SGIP1: variants seen among roughly 807,000 people sequenced by gnomAD.
SGIP1 encodes SH3GL interacting endocytic adaptor 1, also known as SH3-containing GRB2-like protein 3-interacting protein 1.
A neutral mutation model predicts 107.5 loss-of-function variants in SGIP1; 38 were observed. The observed-to-expected ratio is 0.35, with a 90% CI of 0.27 to 0.46. The LOEUF (loss-of-function observed/expected upper bound fraction) is 0.46, where lower values mean the gene tolerates loss of function less well. SGIP1 is among the 20% of genes least tolerant of loss of function. The pLI is 1.00. For missense variants in SGIP1, 929 were observed against 1,019.5 expected, an observed-to-expected ratio of 0.91 and a Z score of 1.21; for synonymous variants, 365 against 366.1, an observed-to-expected ratio of 1.00 and a Z score of 0.03.
At chr1:66,601,129 C>A (rs1396923885) in intron 1 of SGIP1, among the ~76,000 whole-genome samples, 3 of 151,978 alleles carry the variant, frequency 2.0e-5, no homozygotes, top group African/African-American at 7.3e-5. Flanking sequence ...TTTGGCAGGC[C>A]GAGGCGGGCG....
chr1:66,664,004 T>C (rs2082041204), intron 8 of SGIP1, among the ~76,000 whole-genome samples: 1 of 152,200 alleles, frequency 6.6e-6, no homozygotes, highest in South Asian at 2.1e-4. Context: ...AGACTCTATT[T>C]TTCATATTTC....
At chr1:66,710,406 C>T (rs866460646) in intron 18 of SGIP1, among the ~76,000 whole-genome samples, 5 of 152,160 alleles carry the variant, frequency 3.3e-5, no homozygotes, top group Middle Eastern at 3.4e-3. Context: ...GCCAAGTTAT[C>T]GAGTTTTTAC....
At chr1:66,637,589 G>A (rs2076039127) in intron 4 of SGIP1, among the ~76,000 whole-genome samples, 2 of 151,534 alleles carry the variant, frequency 1.3e-5, no homozygotes, top group Admixed American at 6.6e-5. Context: ...ATTTCTACAA[G>A]TTTTGTTTTC....
chr1:66,565,628 T>C (rs1027602916), intron 1 of SGIP1, among the ~76,000 whole-genome samples: 1 of 152,092 alleles, frequency 6.6e-6, no homozygotes. Flanking sequence ...TTGGAGGTTG[T>C]ATTGGAAAAG....
chr1:66,698,096 T>C (rs1400663432), intron 18 of SGIP1, among the ~76,000 whole-genome samples: 1 of 152,216 alleles, frequency 6.6e-6, no homozygotes, highest in East Asian at 1.9e-4. Flanking sequence ...CATTTTGTTC[T>C]TACAATGCTT....
At chr1:66,659,932 GAGAAAGAAAA>G (rs1281950762) in intron 7 of SGIP1, among the ~76,000 whole-genome samples, 1,509 of 90,942 alleles carry the variant, frequency 0.017, 107 homozygotes, top group Non-Finnish European at 0.022. Context: ...GAGAAAAAGA[GAGAAAGAAAA>G]AGAAAGAAAA....
intron 1 of SGIP1, among the ~76,000 whole-genome samples, chr1:66,542,730 A>G (rs1387288992): frequency 6.6e-6 from 1 of 152,178 alleles, no homozygotes; most frequent in African/African-American, 2.4e-5. Flanking sequence ...GACTGTGGGT[A>G]ACTGAACCCA....
In SGIP1 at chr1:66,681,976, G is replaced by A. The variant is rs140280425; in HGVS notation, c.922G>A (p.Ala308Thr). 1.3e-4 allele frequency: 203 copies of A among 1,614,200 alleles called. No individual in the cohort carries two copies. In the African/African-American group the frequency reaches 2.5e-3, roughly 20 times the overall value. ...VLSPKSVAVN[A>T]EEKWVHFSDT... Reference sequence around the variant, plus strand: ...GTCCCCCAAGTCTGTTGCTGTTAATGCTGAAGAAAAGTGGGTCCATTTTTC... The same window carrying A: ...GTCCCCCAAGTCTGTTGCTGTTAATACTGAAGAAAAGTGGGTCCATTTTTC... The change falls in exon 15 of 25, where the codon GCT becomes ACT. Residue 308 changes from alanine (A) to threonine (T), a missense_variant. Ala to Thr is a moderately conservative substitution (Grantham distance 58). Transcript: ENST00000371037.
At chr1:66,567,948 G>A (rs1335814590) in intron 1 of SGIP1, among the ~76,000 whole-genome samples, 1 of 152,098 alleles carries the variant, frequency 6.6e-6, no homozygotes, top group African/African-American at 2.4e-5. Context: ...GATGCCTCCA[G>A]CTTTGTTCTT....
chr1:66,634,245 A>G (rs2075362894), intron 3 of SGIP1: 6 of 1,010,064 alleles, frequency 5.9e-6, no homozygotes, highest in Non-Finnish European at 9.1e-6. Flanking sequence ...ACCTTTGCAA[A>G]GCTCTGTTAG....
chr1:66,736,175 A>ATAAATATAAATATTTATACAAATATTT (rs74735413), intron 21 of SGIP1, among the ~76,000 whole-genome samples: 5 of 116,126 alleles, frequency 4.3e-5, no homozygotes, highest in South Asian at 2.7e-4. Context: ...CATTATATTC[A>ATAAATATAAATATTTATACAAATATTT]TAAATATAAA....
intron 15 of SGIP1, among the ~76,000 whole-genome samples, chr1:66,685,165 G>T (rs779083278): frequency 6.6e-6 from 1 of 152,180 alleles, no homozygotes; most frequent in South Asian, 2.1e-4. Flanking sequence ...CATTAGGCCT[G>T]ATTAAACTAA....
intron 18 of SGIP1, among the ~76,000 whole-genome samples, chr1:66,698,853 C>T (rs539394196): frequency 1.3e-5 from 2 of 151,628 alleles, no homozygotes; most frequent in South Asian, 2.1e-4. Flanking sequence ...CAGAAATGTA[C>T]TGCACTTCTC....
At chr1:66,640,317 G>A (rs1007905353) in intron 5 of SGIP1, among the ~76,000 whole-genome samples, 1 of 152,206 alleles carries the variant, frequency 6.6e-6, no homozygotes, top group Non-Finnish European at 1.5e-5. Context: ...TGCCTAGCCT[G>A]TAGTATTTGT....
At chr1:66,598,777 G>A (rs753824537) in intron 1 of SGIP1, among the ~76,000 whole-genome samples, 10 of 152,036 alleles carry the variant, frequency 6.6e-5, no homozygotes, top group Non-Finnish European at 1.0e-4. Flanking sequence ...CGAGAACTCC[G>A]ACCCCACGAT....
chr1:66,579,136 GAGT>G (rs2061478235), intron 1 of SGIP1, among the ~76,000 whole-genome samples: 2 of 152,144 alleles, frequency 1.3e-5, no homozygotes, highest in South Asian at 2.1e-4. Flanking sequence ...TTACTGATAG[GAGT>G]AGCCAAGTCT....
rs2094551937 is a variant in SGIP1, at chr1:66,746,295, A to C, written c.*3200A>C. The C allele has an allele frequency of 6.6e-6, 1 of 152,180 alleles. No homozygotes were observed. The highest frequency in any genetic ancestry group is 1.5e-5 in the Non-Finnish European group (1 of 67,986). 9.4% of individuals were successfully genotyped at this position (152,180 alleles called of 1,614,324 possible). A position where few individuals can be genotyped will look rare whatever the true frequency, so the allele number is the denominator to read the frequency against. ...CAGTGGTTTTCAAGCTTTTCTTAAC[A>C]GCAGGGCTTTTTTTCTAATAAAATT... On this transcript the variant is annotated 3_prime_UTR_variant, in exon 25 of 25. Transcript: ENST00000371037.
At chr1:66,654,529 A>G (rs2079358445) in intron 7 of SGIP1, among the ~76,000 whole-genome samples, 4 of 152,164 alleles carry the variant, frequency 2.6e-5, no homozygotes, top group African/African-American at 9.7e-5. Context: ...AGTATAAATA[A>G]GCATAACAGT....
intron 7 of SGIP1, 146 bp from the exon 8 acceptor site, chr1:66,660,367 C>A (rs2081220495): frequency 2.8e-6 from 2 of 723,080 alleles, no homozygotes; most frequent in Non-Finnish European, 4.9e-6. Context: ...CCATATCAGA[C>A]CCCCACAGGA....
Sources: allele counts gnomAD v4.1 joint callset (sites outside exome capture counted in the v4.1 genomes callset), GRCh38; gene constraint gnomAD v4.1.1; transcripts MANE v1.5; gene names NCBI Gene and HGNC (gene_info 2026-07-23, HGNC 2026-07-21).